The following FRY variants were observed in gnomAD, a reference collection of about 807,000 sequenced individuals.
The protein encoded by FRY is FRY microtubule binding protein, also known as protein furry homolog.
In FRY, 128 loss-of-function variants were observed where a neutral mutation model predicts 348.4. That is an observed-to-expected ratio of 0.37 (90% CI 0.32 to 0.43). The LOEUF (loss-of-function observed/expected upper bound fraction) is 0.43, where lower values mean the gene tolerates loss of function less well. Ranked by LOEUF, FRY falls within the 20% of genes least tolerant of loss-of-function variation. FRY has a pLI of 1.00. For synonymous variants in FRY, 1,370 were observed against 1,374.7 expected (o/e 1.00, Z 0.08); for missense variants, 2,736 against 3,695.2 (o/e 0.74, Z 6.73).
At chr13:32,059,225 G>T (rs573062259) in intron 1 of FRY, among the ~76,000 whole-genome samples, 1 of 150,774 alleles carries the variant, frequency 6.6e-6, no homozygotes, top group East Asian at 1.9e-4. Context: ...TCTTTTAGTT[G>T]AATGACAGTC....
At chr13:32,083,618 C>G (rs370054572) in intron 2 of FRY, among the ~76,000 whole-genome samples, 2 of 152,024 alleles carry the variant, frequency 1.3e-5, no homozygotes, top group Admixed American at 1.3e-4. Flanking sequence ...TATTGCTGTC[C>G]GGGGCCAAAT....
Position 32,239,315 on chromosome 13 carries a change from A to G in FRY, c.6482A>G (p.Gln2161Arg), listed in dbSNP as rs1344144680. 1 of 1,610,648 alleles carries G rather than the reference A, an allele frequency of 6.2e-7. No individual in the cohort carries two copies. The highest frequency in any genetic ancestry group is 1.1e-5 in the South Asian group (1 of 91,012). Residue 2161 changes from glutamine to arginine, a missense_variant, in exon 45 of 61, where the codon CAG (glutamine) becomes CGG (arginine). By Grantham distance (43) the Gln-to-Arg change is conservative. Around this residue, in one of 9 missense-constraint regions of FRY, gnomAD observed 789 missense variants for 996.2 expected, o/e 0.79. Coordinates refer to ENST00000542859, the MANE Select transcript of FRY (RefSeq NM_023037.3). This position sits in a 1 kb window ranked among gnomAD's most constrained non-coding sequence, Gnocchi z 4.3. ...QLIQHFENPN[Q>R]FCKDIAERIA... ...ATTCAGCATTTTGAAAATCCCAATC[A>G]GTTCTGTAAGGATATAGCCGAAAGG...
intron 51 of FRY, among the ~76,000 whole-genome samples, chr13:32,260,050 C>A (rs1887549103): frequency 6.6e-6 from 1 of 152,156 alleles, no homozygotes; most frequent in East Asian, 1.9e-4. Context: ...TTGCCTTCTA[C>A]CATGAATAGC....
At chr13:32,240,940 A>T (rs1886467541) in intron 46 of FRY, among the ~76,000 whole-genome samples, 1 of 152,200 alleles carries the variant, frequency 6.6e-6, no homozygotes, top group African/African-American at 2.4e-5. Context: ...TTTATAGTTG[A>T]TCGTGCAGGA....
chr13:32,071,367 T>A (rs1259714396), intron 1 of FRY, among the ~76,000 whole-genome samples: 3 of 152,234 alleles, frequency 2.0e-5, no homozygotes, highest in Non-Finnish European at 4.4e-5. Flanking sequence ...CTTCCATTTG[T>A]TTGTGTCCTC....
At chr13:32,149,938 G>A (rs939865608) in intron 14 of FRY, 104 bp downstream of exon 14, 1 of 749,908 alleles carries the variant, frequency 1.3e-6, no homozygotes, top group Middle Eastern at 2.3e-4. Flanking sequence ...TTCTCACAAA[G>A]TCTTCTATTT....
chr13:32,232,591 G>A (rs1247689432), intron 41 of FRY, among the ~76,000 whole-genome samples: 2 of 152,218 alleles, frequency 1.3e-5, no homozygotes, highest in African/African-American at 4.8e-5. Context: ...CCACCCCCTA[G>A]GCTGAGGCCT....
At chr13:32,110,822 G>A (rs1877905157) in intron 3 of FRY, among the ~76,000 whole-genome samples, 2 of 152,200 alleles carry the variant, frequency 1.3e-5, no homozygotes, top group Non-Finnish European at 1.5e-5. Flanking sequence ...GTCTCATACA[G>A]TAAGTGGAAG....
intron 31 of FRY, among the ~76,000 whole-genome samples, chr13:32,207,835 G>A (rs1273956960): frequency 6.6e-6 from 1 of 152,138 alleles, no homozygotes; most frequent in Non-Finnish European, 1.5e-5. Flanking sequence ...TTATTTAGCA[G>A]CCATGAGCCC....
At chr13:32,041,137 T>C (rs1872728427) in intron 1 of FRY, among the ~76,000 whole-genome samples, 1 of 152,180 alleles carries the variant, frequency 6.6e-6, no homozygotes, top group South Asian at 2.1e-4. Flanking sequence ...AGTTTTTCTT[T>C]TTAAAAAAGT....
At chr13:32,275,163 G>T in intron 56 of FRY, 172 bp downstream of exon 56, 1 of 603,548 alleles carries the variant, frequency 1.7e-6, no homozygotes, top group South Asian at 1.6e-5. Flanking sequence ...CGGATCACAA[G>T]GTCAGGAGAT....
chr13:32,058,067 C>G (rs1397860062), intron 1 of FRY, among the ~76,000 whole-genome samples: 1 of 152,158 alleles, frequency 6.6e-6, no homozygotes, highest in Non-Finnish European at 1.5e-5. Context: ...AAGGAAGCAT[C>G]AACTTTAAAG....
At chr13:32,249,813 G>T (rs1886988726) in intron 49 of FRY, 126 bp downstream of exon 49, 2 of 794,560 alleles carry the variant, frequency 2.5e-6, no homozygotes, top group South Asian at 2.9e-5. Context: ...GCACTTCCAG[G>T]GATGGGGTCT....
At chr13:32,211,195 C>T (rs150143803) in intron 34 of FRY, among the ~76,000 whole-genome samples, 161 bp downstream of exon 34, 7 of 152,340 alleles carry the variant, frequency 4.6e-5, no homozygotes, top group African/African-American at 1.4e-4. Context: ...ATGGGCTGGG[C>T]GTGGTGACTC....
chr13:32,123,769 C>T (rs1012661386), intron 4 of FRY, among the ~76,000 whole-genome samples: 2 of 152,088 alleles, frequency 1.3e-5, no homozygotes, highest in African/African-American at 2.4e-5. Context: ...TCAAATATTC[C>T]GACTTCAAAT....
intron 7 of FRY, 45 bp from the exon 8 acceptor site, chr13:32,131,627 C>A: frequency 6.7e-7 from 1 of 1,483,640 alleles, no homozygotes; most frequent in Non-Finnish European, 9.4e-7. Context: ...ATTACAGGGA[C>A]TTTCCTACCC....
intron 31 of FRY, among the ~76,000 whole-genome samples, chr13:32,206,803 C>T (rs1406432098): frequency 6.6e-6 from 1 of 152,102 alleles, no homozygotes; most frequent in Non-Finnish European, 1.5e-5. Flanking sequence ...AGATTCCAAA[C>T]ACTTGTTTTT....
At chr13:32,203,009 G>A (rs1372530274) in intron 31 of FRY, among the ~76,000 whole-genome samples, 2 of 151,906 alleles carry the variant, frequency 1.3e-5, no homozygotes, top group Non-Finnish European at 2.9e-5. Flanking sequence ...CAGAATTACT[G>A]TGGGCTAGAT....
intron 55 of FRY, among the ~76,000 whole-genome samples, chr13:32,272,782 C>G (rs931814021): frequency 1.2e-4 from 19 of 152,148 alleles, no homozygotes; most frequent in African/African-American, 4.6e-4. Context: ...GTTGCTCAGC[C>G]TGGAGTGCAG....
Sources: allele counts gnomAD v4.1 joint callset (sites outside exome capture counted in the v4.1 genomes callset), GRCh38; gene constraint gnomAD v4.1.1; regional missense constraint gnomAD v4.1.1; non-coding constraint Gnocchi (gnomAD v3.1); transcripts MANE v1.5; gene names NCBI Gene and HGNC (gene_info 2026-07-23, HGNC 2026-07-21).